The following RBFOX1 variants were observed in gnomAD, a reference collection of about 807,000 sequenced individuals.
RBFOX1 encodes the protein RNA binding protein fox-1 homolog 1.
In RBFOX1, 8 loss-of-function variants were observed where a neutral mutation model predicts 57.7. That is an observed-to-expected ratio of 0.14 (90% CI 0.08 to 0.25). The LOEUF (loss-of-function observed/expected upper bound fraction) is 0.25. Ranked by LOEUF, RBFOX1 falls within the 10% of genes least tolerant of loss-of-function variation. The pLI, the probability that RBFOX1 is intolerant of heterozygous loss-of-function variation, is 1.00. For missense variants in RBFOX1, 611 were observed against 548.5 expected (o/e 1.11, Z -1.14); for synonymous variants, 326 against 222.4 (o/e 1.47, Z -4.15).
chr16:7,169,834 G>C (rs201283486), intron 4 of RBFOX1, among the ~76,000 whole-genome samples: 2 of 148,998 alleles, frequency 1.3e-5, no homozygotes, highest in South Asian at 2.1e-4. Context: ...CTTTGGCAGG[G>C]CCAAAGCAGG....
chr16:7,005,582 T>C (rs2093225174), intron 3 of RBFOX1, among the ~76,000 whole-genome samples: 1 of 152,182 alleles, frequency 6.6e-6, no homozygotes, highest in Admixed American at 6.5e-5. Flanking sequence ...AAAGATCCTA[T>C]TAGTGATGGC....
intron 2 of RBFOX1, among the ~76,000 whole-genome samples, chr16:6,375,473 C>T (rs2534745): frequency 6.6e-6 from 1 of 151,544 alleles, no homozygotes; most frequent in Non-Finnish European, 1.5e-5. Flanking sequence ...TTGTATTTCT[C>T]TAACATTTTT....
At chr16:7,217,673 A>AGGGGGAAGGATTTTTT (rs2092320599) in intron 4 of RBFOX1, among the ~76,000 whole-genome samples, 1 of 152,052 alleles carries the variant, frequency 6.6e-6, no homozygotes, top group Non-Finnish European at 1.5e-5. Context: ...TTTTAATCAT[A>AGGGGGAAGGATTTTTT]GGGGGAAGGA....
chr16:7,240,877 G>GT (rs550638513), intron 4 of RBFOX1, among the ~76,000 whole-genome samples: 242 of 152,248 alleles, frequency 1.6e-3, no homozygotes, highest in Middle Eastern at 3.4e-3. Flanking sequence ...GCAAAATATT[G>GT]TTTTTTGAAA....
chr16:5,896,838 A>G (rs1304390224), intron 4 of RBFOX1, among the ~76,000 whole-genome samples: 1 of 152,044 alleles, frequency 6.6e-6, no homozygotes, highest in African/African-American at 2.4e-5. Context: ...GTGAAGCATC[A>G]ACAGCATCAC....
At chr16:6,367,820 C>G (rs918344114) in intron 2 of RBFOX1, among the ~76,000 whole-genome samples, 19 of 151,806 alleles carry the variant, frequency 1.3e-4, no homozygotes, top group Non-Finnish European at 1.5e-5. Flanking sequence ...GTCAGAAAGA[C>G]TCTGTTCCAA....
intron 2 of RBFOX1, among the ~76,000 whole-genome samples, chr16:6,501,770 T>C (rs1212146424): frequency 1.3e-5 from 2 of 152,094 alleles, no homozygotes; most frequent in Non-Finnish European, 2.9e-5. Flanking sequence ...CATATTCTTT[T>C]CTAAACTGCT....
chr16:5,914,834 G>T (rs1223640226), intron 4 of RBFOX1, among the ~76,000 whole-genome samples: 1 of 152,068 alleles, frequency 6.6e-6, no homozygotes, highest in Non-Finnish European at 1.5e-5. Context: ...GGCGGAGCTT[G>T]CAGTGAGCCG....
At chr16:5,351,497 G>C (rs2065261664) in intron 1 of RBFOX1, among the ~76,000 whole-genome samples, 1 of 152,164 alleles carries the variant, frequency 6.6e-6, no homozygotes, top group African/African-American at 2.4e-5. Flanking sequence ...GCCTATTGAT[G>C]GGTCTCAGGA....
chr16:7,175,075 C>G (rs781133489), intron 4 of RBFOX1, among the ~76,000 whole-genome samples: 5 of 150,572 alleles, frequency 3.3e-5, no homozygotes, highest in Non-Finnish European at 7.4e-5. Context: ...GGTACATGTG[C>G]AGGATGTGCA....
chr16:7,360,715 T>A (rs2097304184), intron 4 of RBFOX1, among the ~76,000 whole-genome samples: 1 of 152,190 alleles, frequency 6.6e-6, no homozygotes, highest in African/African-American at 2.4e-5. Context: ...GATAATGCTG[T>A]CAACACACAG....
chr16:6,509,620 C>T (rs1021791173), intron 2 of RBFOX1, among the ~76,000 whole-genome samples: 1 of 152,082 alleles, frequency 6.6e-6, no homozygotes, highest in Non-Finnish European at 1.5e-5. Context: ...TTAGTGTTTG[C>T]TAGCAAAACA....
chr16:7,157,560 T>C (rs1337097179), intron 4 of RBFOX1, among the ~76,000 whole-genome samples: 1 of 152,140 alleles, frequency 6.6e-6, no homozygotes, highest in African/African-American at 2.4e-5. Context: ...TTGCATAGCT[T>C]AAGTCCAGGC....
chr16:6,897,717 C>G (rs11646580), intron 3 of RBFOX1, among the ~76,000 whole-genome samples: 1 of 152,038 alleles, frequency 6.6e-6, no homozygotes, highest in African/African-American at 2.4e-5. Flanking sequence ...TGCTTGAACC[C>G]GGGAGGCAGA....
intron 11 of RBFOX1, among the ~76,000 whole-genome samples, chr16:7,640,319 G>A (rs2062563675): frequency 6.6e-6 from 1 of 152,150 alleles, no homozygotes; most frequent in Admixed American, 6.5e-5. Flanking sequence ...CACATTTCAG[G>A]CAGCTGCCAT....
intron 3 of RBFOX1, among the ~76,000 whole-genome samples, chr16:6,833,909 T>C (rs903039104): frequency 1.3e-5 from 2 of 151,940 alleles, no homozygotes; most frequent in African/African-American, 4.8e-5. Flanking sequence ...GCAAGGTTGA[T>C]CAATCCACAG....
intron 4 of RBFOX1, among the ~76,000 whole-genome samples, chr16:7,419,488 G>C (rs907016627): frequency 6.6e-6 from 1 of 152,196 alleles, no homozygotes; most frequent in Non-Finnish European, 1.5e-5. Context: ...ATTGTGCCTT[G>C]TCAGGCCCAC....
chr16:5,338,718 G>T (rs779758408), intron 1 of RBFOX1, among the ~76,000 whole-genome samples: 1 of 152,254 alleles, frequency 6.6e-6, no homozygotes, highest in Non-Finnish European at 1.5e-5. Context: ...GAGTGTAGTG[G>T]TGTGATCATA....
chr16:6,965,339 GTGTGTGTGTGTGTGTGTGTGTA>G, intron 3 of RBFOX1, among the ~76,000 whole-genome samples: 1 of 148,566 alleles, frequency 6.7e-6, no homozygotes, highest in Admixed American at 6.7e-5. Flanking sequence ...GTGTGTGTGT[GTGTGTGTGTGTGTGTGTGTGTA>G]TGATGGAGTC....
Sources: gnomAD v4.1 joint callset for allele counts (sites outside exome capture counted in the v4.1 genomes callset) on GRCh38, gnomAD v4.1.1 for gene constraint, MANE v1.5 for transcripts, NCBI Gene and HGNC (gene_info 2026-07-23, HGNC 2026-07-21) for gene names.